The following RORA variants were observed in gnomAD, a reference collection of about 807,000 sequenced individuals.
RORA encodes the protein RAR related orphan receptor A.
In RORA, 7 loss-of-function variants were observed where a neutral mutation model predicts 69.5. That is an observed-to-expected ratio of 0.10 (90% CI 0.06 to 0.19). The LOEUF is 0.19. Among genes scored for constraint, RORA ranks in the 10% least tolerant of loss-of-function variants. The probability of loss-of-function intolerance (pLI) is 1.00; values close to 1 mark genes in which losing one functional copy is unlikely to be tolerated. For synonymous variants in RORA, 261 were observed against 240.8 expected (o/e 1.08, Z -0.78); for missense variants, 457 against 663.0 (o/e 0.69, Z 3.41).
At chr15:60,741,036 C>T (rs1041123966) in intron 1 of RORA, among the ~76,000 whole-genome samples, 1 of 152,180 alleles carries the variant, frequency 6.6e-6, no homozygotes, top group Admixed American at 6.5e-5. Flanking sequence ...TGGGCAGTGG[C>T]AATGCTGTGG....
chr15:61,075,827 G>A (rs372832092), intron 1 of RORA, among the ~76,000 whole-genome samples: 1 of 152,170 alleles, frequency 6.6e-6, no homozygotes, highest in African/African-American at 2.4e-5. Context: ...CACACACGCA[G>A]TGGAGAAGCA....
At chr15:61,031,944 T>C (rs1370479876) in intron 1 of RORA, among the ~76,000 whole-genome samples, 5 of 152,344 alleles carry the variant, frequency 3.3e-5, no homozygotes, top group Middle Eastern at 3.4e-3. Flanking sequence ...AGTTGGAAGA[T>C]ATATGTTCCT....
At chr15:60,786,204 G>C in intron 1 of RORA, among the ~76,000 whole-genome samples, 1 of 152,186 alleles carries the variant, frequency 6.6e-6, no homozygotes, top group Middle Eastern at 3.2e-3. Context: ...GAGTGCTCTG[G>C]ATAGGATGTT....
At chr15:60,554,696 CAG>C (rs1393095417) in intron 2 of RORA, among the ~76,000 whole-genome samples, 1 of 152,124 alleles carries the variant, frequency 6.6e-6, no homozygotes, top group Non-Finnish European at 1.5e-5. Context: ...CGAAAAATCT[CAG>C]GGGAGTTCTC....
chr15:61,169,759 C>T (rs1360436557), intron 1 of RORA, among the ~76,000 whole-genome samples: 1 of 137,592 alleles, frequency 7.3e-6, no homozygotes, highest in Non-Finnish European at 1.7e-5. Flanking sequence ...CAACTGTCTT[C>T]CTTACAAACG....
In RORA at chr15:60,902,129, T is replaced by A. The variant is rs202076186; in HGVS notation, c.167-223443A>T. Among the ~76,000 whole-genome samples the A allele has an allele frequency of 3.2e-3, 489 of 152,312 alleles. 12 individuals are homozygous for A. In the East Asian group the frequency reaches 0.064, roughly 20 times the overall value. ...AATAATATGACTTGTTTTAATACAG[T>A]TCTAACTCGATTTTCTACTTCAATT... On this transcript the variant is annotated intron_variant, in intron 1 of 10. Coordinates refer to ENST00000335670, the MANE Select transcript of RORA (RefSeq NM_134261.3).
chr15:60,540,575 C>CGCCG (rs1567071436), intron 2 of RORA, among the ~76,000 whole-genome samples: 1 of 19,450 alleles, frequency 5.1e-5, no homozygotes, highest in Non-Finnish European at 1.5e-4. Flanking sequence ...CCCCCCCCCC[C>CGCCG]CAAAACTGTG....
chr15:61,188,241 G>A (rs1470081438), intron 1 of RORA, among the ~76,000 whole-genome samples: 4 of 152,138 alleles, frequency 2.6e-5, no homozygotes, highest in Non-Finnish European at 4.4e-5. Context: ...TCGTCTTTGC[G>A]GGCCAAAAGG....
chr15:60,685,479 C>T (rs2070728997), intron 1 of RORA, among the ~76,000 whole-genome samples: 2 of 152,186 alleles, frequency 1.3e-5, no homozygotes, highest in African/African-American at 4.8e-5. Context: ...CCCCCTCCTC[C>T]TCAATCCTGA....
intron 1 of RORA, among the ~76,000 whole-genome samples, chr15:61,058,462 T>A (rs916846143): frequency 2.0e-5 from 3 of 152,140 alleles, no homozygotes; most frequent in Non-Finnish European, 4.4e-5. Context: ...AGAAATCAGC[T>A]TAGAAAGCAA....
chr15:60,871,172 A>C (rs768518511), intron 1 of RORA, among the ~76,000 whole-genome samples: 7 of 152,234 alleles, frequency 4.6e-5, no homozygotes, highest in Non-Finnish European at 1.0e-4. Flanking sequence ...TGGGTTGGAG[A>C]TATCCAGGCA....
At chr15:60,792,212 T>A (rs189158680) in intron 1 of RORA, among the ~76,000 whole-genome samples, 21 of 151,652 alleles carry the variant, frequency 1.4e-4, no homozygotes, top group Non-Finnish European at 2.7e-4. Context: ...CAGGAAAGAG[T>A]CAATGGACTT....
intron 1 of RORA, among the ~76,000 whole-genome samples, chr15:61,089,631 T>C (rs1028192048): frequency 1.3e-5 from 2 of 152,118 alleles, no homozygotes; most frequent in Non-Finnish European, 2.9e-5. Flanking sequence ...GCAGTCCTGG[T>C]GTAGCCCCAA....
chr15:60,547,324 C>CTTTT (rs368737897), intron 2 of RORA, among the ~76,000 whole-genome samples: 1 of 136,788 alleles, frequency 7.3e-6, no homozygotes, highest in Non-Finnish European at 1.6e-5. Context: ...CCCTCTCCTC[C>CTTTT]TTTTTTTTTT....
chr15:60,884,132 A>G (rs1047351580), intron 1 of RORA, among the ~76,000 whole-genome samples: 5 of 152,150 alleles, frequency 3.3e-5, no homozygotes, highest in Non-Finnish European at 7.3e-5. Flanking sequence ...TCCGTGGCTG[A>G]CAAATGGAAT....
At chr15:60,842,937 G>A (rs545742478) in intron 1 of RORA, among the ~76,000 whole-genome samples, 1 of 152,282 alleles carries the variant, frequency 6.6e-6, no homozygotes, top group African/African-American at 2.4e-5. Context: ...AAGAGCTGGG[G>A]CTGGCTGTAT....
At chr15:60,707,183 A>G (rs1311084396) in intron 1 of RORA, among the ~76,000 whole-genome samples, 1 of 152,120 alleles carries the variant, frequency 6.6e-6, no homozygotes, top group East Asian at 1.9e-4. Context: ...GAAGCTTCTC[A>G]GAATGGAAAA....
intron 1 of RORA, among the ~76,000 whole-genome samples, chr15:61,166,680 A>C (rs967876107): frequency 6.6e-6 from 1 of 151,986 alleles, no homozygotes; most frequent in African/African-American, 2.4e-5. Context: ...CAAAAGTCAC[A>C]GAGGGAGTCT....
intron 1 of RORA, among the ~76,000 whole-genome samples, chr15:60,978,106 A>G (rs1399686270): frequency 1.3e-5 from 2 of 150,150 alleles, no homozygotes; most frequent in Non-Finnish European, 3.0e-5. Flanking sequence ...ATTACTTCAC[A>G]TCTTCTTCAA....
Sources: gnomAD v4.1 joint callset for allele counts (sites outside exome capture counted in the v4.1 genomes callset) on GRCh38, gnomAD v4.1.1 for gene constraint, MANE v1.5 for transcripts, NCBI Gene and HGNC (gene_info 2026-07-23, HGNC 2026-07-21) for gene names.